MYH13: variants seen among roughly 807,000 people sequenced by gnomAD.
MYH13 encodes myosin-13.
MYH13 carries 177 observed loss-of-function variants against 232.1 expected under a neutral mutation model. The ratio of observed to expected loss-of-function variants is 0.76; its 90% CI spans 0.67 to 0.86. The LOEUF is 0.86. Ranked by LOEUF, MYH13 falls within the 40% of genes least tolerant of loss-of-function variation. MYH13 has a pLI of 0.00. For synonymous variants in MYH13, 884 were observed against 923.5 expected (o/e 0.96, Z 0.78); for missense variants, 2,246 against 2,405.9 (o/e 0.93, Z 1.39).
intron 1 of MYH13, among the ~76,000 whole-genome samples, chr17:10,372,755 T>G (rs1335337507): frequency 6.6e-6 from 1 of 152,236 alleles, no homozygotes; most frequent in African/African-American, 2.4e-5. Flanking sequence ...TTTTTTGTCT[T>G]ATAATTGCTT....
chr17:10,306,663 G>A lies in MYH13; in HGVS notation c.5296-34C>T. On this transcript the variant is annotated intron_variant, in intron 36 of 40. Transcript: ENST00000252172. This position sits in a 1 kb window ranked among gnomAD's most constrained non-coding sequence, Gnocchi z 4.3. ...GTTCACAGGACACATCAGAGGCCCT[G>A]TCCGCCCATCCCTACCCAGAGCTTG... The A allele has an allele frequency of 6.2e-7, 1 of 1,612,476 alleles. No homozygotes were observed. The highest frequency in any genetic ancestry group is 8.5e-7 in the Non-Finnish European group (1 of 1,179,560).
chr17:10,366,381 G>GTTTT (rs56798899), intron 2 of MYH13, among the ~76,000 whole-genome samples: 3 of 112,640 alleles, frequency 2.7e-5, no homozygotes, highest in Non-Finnish European at 1.9e-5. Context: ...AAATAAATCT[G>GTTTT]TTTTTTTTTT....
chr17:10,327,984 T>A lies in MYH13; in HGVS notation c.2573A>T (p.Glu858Val). ...TTCTTCCTTGGTCCTCTCAAAGTCT[T>A]CCTTCATGGTGGCCATCTCCTTCTC... is the stretch of plus-strand genomic sequence containing the variant. ...EAEKEMATMK[E>V]DFERTKEELA... Residue 858 changes from glutamate (E) to valine (V), a missense_variant, in exon 22 of 41, where the codon GAA becomes GTA. Glu to Val is a moderately radical substitution (Grantham distance 121, BLOSUM62 -2). Coordinates refer to ENST00000252172, the MANE Select transcript of MYH13 (RefSeq NM_003802.3). The A allele has an allele frequency of 6.2e-7, 1 of 1,614,046 alleles. No individual in the cohort carries two copies. Among genetic ancestry groups the A allele is most frequent in the Non-Finnish European group, 8.5e-7 (1 of 1,179,986 alleles).
Position 10,345,226 on chromosome 17 carries a change from A to C in MYH13, c.1560T>G (p.Ala520=), listed in dbSNP as rs766712995. 2.5e-5 allele frequency: 40 copies of C among 1,614,038 alleles called. No individual in the cohort carries two copies. The highest frequency in any genetic ancestry group is 3.2e-5 in the Non-Finnish European group (38 of 1,180,016). Residue 520 remains alanine (A), a synonymous_variant, in exon 15 of 41, where the codon GCT becomes GCG. Coordinates refer to ENST00000252172, the MANE Select transcript of MYH13 (RefSeq NM_003802.3). The part of the protein sequence containing the change: ...WEFIDFGMDL[A]ACIELIEKPM... ...CCTTCTCGATGAGCTCGATGCAGGC[A>C]GCCAGGTCCATTCCGAAGTCAATGA...
chr17:10,331,022 AAAAC>A (rs935573262), intron 20 of MYH13, among the ~76,000 whole-genome samples: 13 of 152,090 alleles, frequency 8.5e-5, no homozygotes, highest in East Asian at 3.9e-4. Context: ...GTCTCAAAAC[AAAAC>A]AAACAAACAA....
chr17:10,355,063 TTA>T lies in MYH13; in HGVS notation c.802+19_802+20del, dbSNP rs763118216. The T allele has an allele frequency of 1.2e-6, 2 of 1,607,894 alleles. No homozygotes were observed. Among genetic ancestry groups the T allele is most frequent in the South Asian group, 2.2e-5 (2 of 90,182 alleles). ...TTTTGTGGCCAAAACACCAACGGAT[TTA>T]TAGAGTGTTTGGACTCACAAGTTTC... On this transcript the variant is annotated intron_variant, in intron 9 of 40. Coordinates refer to ENST00000252172, the MANE Select transcript of MYH13 (RefSeq NM_003802.3).
Position 10,328,045 on chromosome 17 carries a change from A to G in MYH13, c.2512T>C (p.Phe838Leu), listed in dbSNP as rs748882559. The G allele has an allele frequency of 6.2e-7, 1 of 1,614,176 alleles. No individual in the cohort carries two copies. The highest frequency in any genetic ancestry group is 8.5e-7 in the Non-Finnish European group (1 of 1,180,032). The change falls in exon 22 of 41, where the codon TTC becomes CTC. Residue 838 changes from phenylalanine (F) to leucine (L), a missense_variant. Coordinates refer to ENST00000252172, the MANE Select transcript of MYH13 (RefSeq NM_003802.3). ...CTCTTCAGCAGGGGCTTGATTTTGAAGAACAGGTTCATCCAGGGCCAGTGC... is the reference window on the plus strand; with the variant it reads ...CTCTTCAGCAGGGGCTTGATTTTGAGGAACAGGTTCATCCAGGGCCAGTGC... ...VKHWPWMNLF[F>L]KIKPLLKSAE...
chr17:10,320,630 AG>A lies in MYH13; in HGVS notation c.3112-135del. 3.1e-6 allele frequency: 3 copies of A among 962,044 alleles called. No homozygotes were observed. In the South Asian group the frequency reaches 5.4e-5, roughly 17 times the overall value. The allele number at this position is 962,044 out of a possible 1,614,324, so 59.6% of individuals were successfully genotyped here. ...GTGCTGGCTGCAAGCCTCTGGCCCC[AG>A]GAGGAAGCAAGTCTTGCCCCTACCT... On this transcript the variant is annotated intron_variant, in intron 24 of 40. Transcript: ENST00000252172.
At chr17:10,318,751 G>A (rs757756913) in intron 27 of MYH13, 39 bp downstream of exon 27, 4 of 1,610,456 alleles carry the variant, frequency 2.5e-6, no homozygotes, top group Non-Finnish European at 3.4e-6. Context: ...GCCGTCGGCT[G>A]CCTTGCATTC....
At chr17:10,350,516 T>C (rs1327973499) in intron 12 of MYH13, 40 bp downstream of exon 12, 8 of 1,601,462 alleles carry the variant, frequency 5.0e-6, no homozygotes, top group South Asian at 4.5e-5. Context: ...CACATGAACA[T>C]AGATGGACCC....
At chr17:10,311,373 C>T in intron 32 of MYH13, 146 bp from the exon 33 acceptor site, 1 of 977,496 alleles carries the variant, frequency 1.0e-6, no homozygotes, top group Non-Finnish European at 1.5e-6. Flanking sequence ...GAGGTGTTGG[C>T]AAGACAGGGA....
In MYH13 at chr17:10,339,082, T is replaced by C. The variant is rs1026054988; in HGVS notation, c.2056+1068A>G. 2.6e-5 allele frequency among the ~76,000 whole-genome samples: 4 copies of C among 152,074 alleles called. No individual in the cohort carries two copies. The South Asian group carries it at 6.2e-4, about 24-fold the overall frequency. On this transcript the variant is annotated intron_variant, in intron 18 of 40. Transcript: ENST00000252172. ...AGGATCACGTGGTAATAGGTGAACTTTTCCCCCCCAACCCCCCGACAACGT... is the reference window on the plus strand; with the variant it reads ...AGGATCACGTGGTAATAGGTGAACTCTTCCCCCCCAACCCCCCGACAACGT...
At chr17:10,308,279 G>T (rs1430353186) in intron 35 of MYH13, among the ~76,000 whole-genome samples, 3 of 147,110 alleles carry the variant, frequency 2.0e-5, no homozygotes, top group Non-Finnish European at 4.4e-5. Context: ...AACTGAGATC[G>T]CACCACTGCA....
intron 2 of MYH13, among the ~76,000 whole-genome samples, chr17:10,364,938 C>T (rs1393807718): frequency 1.3e-5 from 2 of 152,026 alleles, no homozygotes; most frequent in Non-Finnish European, 2.9e-5. Flanking sequence ...TGCAATGGCT[C>T]GATCTCGGCT....
chr17:10,357,039 C>A (rs949963700), intron 8 of MYH13, among the ~76,000 whole-genome samples: 2 of 152,182 alleles, frequency 1.3e-5, no homozygotes, highest in Non-Finnish European at 2.9e-5. Flanking sequence ...CGGCTCCCTG[C>A]AACCTCCACC....
At chr17:10,350,534 T>C in intron 12 of MYH13, 22 bp downstream of exon 12, 1 of 1,609,076 alleles carries the variant, frequency 6.2e-7, no homozygotes, top group South Asian at 1.1e-5. Flanking sequence ...CCCAATCGCA[T>C]CCCTTTCCCA....
intron 37 of MYH13, among the ~76,000 whole-genome samples, chr17:10,303,928 A>G (rs927031798): frequency 6.6e-6 from 1 of 152,248 alleles, no homozygotes; most frequent in Non-Finnish European, 1.5e-5. Flanking sequence ...ACATCATGGA[A>G]TACTATGCAG....
chr17:10,364,871 A>ACTTTCTTT (rs57405983), intron 2 of MYH13, among the ~76,000 whole-genome samples: 4 of 151,712 alleles, frequency 2.6e-5, no homozygotes, highest in African/African-American at 7.3e-5. Flanking sequence ...TTCAGGAAGC[A>ACTTTCTTT]CTTTCTTTCT....
In MYH13 at chr17:10,312,751, T is replaced by C. The variant is rs1567656973; in HGVS notation, c.4188A>G (p.Lys1396=). The C allele has an allele frequency of 1.9e-6, 3 of 1,604,430 alleles. No individual in the cohort carries two copies. The highest frequency in any genetic ancestry group is 2.5e-6 in the Non-Finnish European group (3 of 1,177,128). ...RTEELEEAKK[K]LAQRLQEAEE... is the part of the protein sequence containing the mutation. ...CTGCTTCCTGGAGCCTCTGGGCCAG[T>C]TTTTTCCTACGAAAACCAGATTTTT... The change falls in exon 31 of 41, where the codon AAA becomes AAG. Residue 1396 remains lysine (K), a synonymous_variant. Coordinates refer to ENST00000252172, the MANE Select transcript of MYH13 (RefSeq NM_003802.3).
Sources: allele counts gnomAD v4.1 joint callset (sites outside exome capture counted in the v4.1 genomes callset), GRCh38; gene constraint gnomAD v4.1.1; non-coding constraint Gnocchi (gnomAD v3.1); transcripts MANE v1.5; gene names NCBI Gene and HGNC (gene_info 2026-07-23, HGNC 2026-07-21).